Variants in LTN1 observed in about 807,000 individuals in gnomAD.
LTN1 encodes E3 ubiquitin-protein ligase listerin.
LTN1 carries 88 observed loss-of-function variants against 201.2 expected under a neutral mutation model. The ratio of observed to expected loss-of-function variants is 0.44; its 90% CI spans 0.37 to 0.52. LTN1 has a LOEUF of 0.52. Ranked by LOEUF, LTN1 falls within the 20% of genes least tolerant of loss-of-function variation. LTN1 has a pLI of 0.00. For missense variants in LTN1, 1,752 were observed against 2,038.7 expected, an observed-to-expected ratio of 0.86 and a Z score of 2.71; for synonymous variants, 645 against 713.5, an observed-to-expected ratio of 0.90 and a Z score of 1.53.
chr21:28,949,755 T>G (rs999292158), intron 18 of LTN1, among the ~76,000 whole-genome samples: 1 of 152,208 alleles, frequency 6.6e-6, no homozygotes, highest in Non-Finnish European at 1.5e-5. Flanking sequence ...GATGGGCACT[T>G]AGGTTGCAAG....
At chr21:28,946,335 C>A in intron 19 of LTN1, 48 bp from the exon 20 acceptor site, 1 of 1,284,938 alleles carries the variant, frequency 7.8e-7, no homozygotes, top group Admixed American at 2.7e-5. Flanking sequence ...AGAACTATAT[C>A]GCTACTATTA....
intron 25 of LTN1, among the ~76,000 whole-genome samples, chr21:28,939,885 G>A (rs181804730): frequency 3.5e-4 from 54 of 152,144 alleles, no homozygotes; most frequent in Non-Finnish European, 7.4e-4. Context: ...TAAGTGACAG[G>A]CCTAAAGAGA....
chr21:28,954,802 G>C (rs1440089449), intron 16 of LTN1, among the ~76,000 whole-genome samples: 1 of 152,138 alleles, frequency 6.6e-6, no homozygotes, highest in Non-Finnish European at 1.5e-5. Flanking sequence ...ATGGATTAGA[G>C]ACTTAAACCT....
chr21:28,961,845 T>C (rs2084481815), intron 11 of LTN1, among the ~76,000 whole-genome samples: 3 of 152,170 alleles, frequency 2.0e-5, no homozygotes, highest in African/African-American at 7.2e-5. Flanking sequence ...ACCTTGTCTC[T>C]ACTAAAAATT....
chr21:28,948,182 A>C (rs1601174914), intron 18 of LTN1, among the ~76,000 whole-genome samples: 2 of 68,034 alleles, frequency 2.9e-5, no homozygotes, highest in African/African-American at 1.3e-4. Context: ...ATAAAGCAAA[A>C]CTCTGTTTCA....
rs2084333731 is a variant in LTN1 at position 28,945,937 on chromosome 21, G to C, written c.3638C>G (p.Ala1213Gly). Residue 1213 changes from alanine (A) to glycine (G), a missense_variant, in exon 21 of 30, where the codon GCA (alanine) becomes GGA (glycine). Ala to Gly is a moderately conservative substitution (Grantham distance 60). Transcript: ENST00000361371. ...IFLFSCNLSE[A>G]SPEVLGVNIE... ...ATTTACACCCAGTACCTCTGGACTT[G>C]CTTCTGATAGATTACTGTGATAAAG... The C allele has an allele frequency of 6.2e-7, 1 of 1,609,158 alleles. No individual in the cohort carries two copies. The highest frequency in any genetic ancestry group is 2.2e-5 in the East Asian group (1 of 44,810).
chr21:28,936,560 T>C lies in LTN1; in HGVS notation c.4620A>G (p.Thr1540=), dbSNP rs1373922482. Residue 1540 remains threonine (T), a synonymous_variant, in exon 26 of 30, where the codon ACA becomes ACG. Transcript: ENST00000361371. Reference sequence around the variant, plus strand: ...TCAGCTGGAGCTCCTCAGTAAAGAATGTTTTAGGGTCCTTATTTGGGACCT... The same window carrying C: ...TCAGCTGGAGCTCCTCAGTAAAGAACGTTTTAGGGTCCTTATTTGGGACCT... ...AVEVPNKDPK[T]FFTEELQLSI... 1 of 1,613,686 alleles carries C rather than the reference T, an allele frequency of 6.2e-7. No individual in the cohort carries two copies. The highest frequency in any genetic ancestry group is 1.3e-5 in the African/African-American group (1 of 74,938).
chr21:28,981,729 C>T (rs572366924), intron 5 of LTN1, among the ~76,000 whole-genome samples: 14 of 152,166 alleles, frequency 9.2e-5, no homozygotes, highest in Non-Finnish European at 1.2e-4. Context: ...TAAAATACTT[C>T]CTCCTACAAC....
At chr21:28,960,396 A>T (rs1022373864) in intron 12 of LTN1, 121 bp downstream of exon 12, 21 of 697,638 alleles carry the variant, frequency 3.0e-5, no homozygotes, top group African/African-American at 1.1e-4. Flanking sequence ...AAAAAAAAAA[A>T]TTTGAATGAG....
intron 24 of LTN1, among the ~76,000 whole-genome samples, chr21:28,941,822 C>T (rs190922933): frequency 6.6e-6 from 1 of 152,256 alleles, no homozygotes; most frequent in African/African-American, 2.4e-5. Context: ...TATTTTATTG[C>T]ATATTATCTA....
intron 4 of LTN1, among the ~76,000 whole-genome samples, chr21:28,983,640 GA>G (rs995591171): frequency 6.6e-6 from 1 of 152,084 alleles, no homozygotes; most frequent in Non-Finnish European, 1.5e-5. Context: ...CAAGAAATTT[GA>G]ACTTAAAAGT....
chr21:28,959,344 G>A, intron 13 of LTN1, 114 bp downstream of exon 13: 1 of 1,290,308 alleles, frequency 7.8e-7, no homozygotes, highest in Non-Finnish European at 1.1e-6. Context: ...TACTCAAAAT[G>A]CTTTAAACTT....
At chr21:28,991,037 T>C (rs564817777) in intron 1 of LTN1, among the ~76,000 whole-genome samples, 48 of 151,636 alleles carry the variant, frequency 3.2e-4, no homozygotes, top group African/African-American at 1.1e-3. Context: ...CTGGAAAGGC[T>C]AAGCTGGGAG....
Position 28,953,334 on chromosome 21 carries a change from T to A in LTN1, c.3122A>T (p.Asp1041Val), listed in dbSNP as rs369576290. Residue 1041 changes from aspartate to valine, a missense_variant, in exon 17 of 30, where the codon GAT becomes GTT. This residue lies in a region of LTN1 where 1,211 missense variants were observed against 1,312.8 expected (regional missense o/e 0.92). Transcript: ENST00000361371. ...TCCAATTAGAAAAATAGGTGGGTTATCTAATTCTTCACACCACTGCAGTGA... is the reference window on the plus strand; with the variant it reads ...TCCAATTAGAAAAATAGGTGGGTTAACTAATTCTTCACACCACTGCAGTGA... ...LYSLQWCEEL[D>V]NPPIFLIGFC... is the part of the protein sequence containing the mutation. 4 of 1,606,278 alleles carry A rather than the reference T, an allele frequency of 2.5e-6. No homozygotes were observed. The highest frequency in any genetic ancestry group is 3.4e-6 in the Non-Finnish European group (4 of 1,178,154).
chr21:28,946,070 C>A lies in LTN1; in HGVS notation c.3623+82G>T. On this transcript the variant is annotated intron_variant, in intron 20 of 29. Transcript: ENST00000361371. ...CTGACTTAAATGTCTACCATAATTT[C>A]TCTACAAAATTGTGACACAGATACG... 5 of 1,455,588 alleles carry A rather than the reference C, an allele frequency of 3.4e-6. No homozygotes were observed. The South Asian group carries it at 3.8e-5, about 11-fold the overall frequency. 90.2% of individuals were successfully genotyped at this position (1,455,588 alleles called of 1,614,324 possible).
intron 25 of LTN1, among the ~76,000 whole-genome samples, chr21:28,940,218 C>T (rs754636396): frequency 4.6e-5 from 7 of 152,166 alleles, no homozygotes; most frequent in African/African-American, 7.2e-5. Context: ...CTGGCTCTGT[C>T]GCCCAGGCTT....
rs2084202399 is a variant in LTN1 at position 28,930,498 on chromosome 21, T to C, written c.5251A>G (p.Thr1751Ala). 6.2e-7 allele frequency: 1 copy of C among 1,612,316 alleles called. No individual in the cohort carries two copies. The highest frequency in any genetic ancestry group is 8.5e-7 in the Non-Finnish European group (1 of 1,178,832). ...FHSACLYKWF[T>A]SSNKSTCPLC... is the part of the protein sequence containing the mutation. ...GGACAAGTGGATTTGTTGCTAGATG[T>C]AAACCATTTGTACTGAAAAAGAAAA... Residue 1751 changes from threonine to alanine, a missense_variant, in exon 30 of 30, where the codon ACA becomes GCA. Physicochemically the swap from Thr to Ala is moderately conservative, Grantham distance 58. Transcript: ENST00000361371.
At position 28,946,177 on chromosome 21, in the gene LTN1, G is replaced by T; in HGVS notation, c.3598C>A (p.His1200Asn). 6.3e-7 allele frequency: 1 copy of T among 1,582,004 alleles called. No individual in the cohort carries two copies. Among genetic ancestry groups the T allele is most frequent in the Non-Finnish European group, 8.6e-7 (1 of 1,165,142 alleles). The change falls in exon 20 of 30, where the codon CAT becomes AAT. Residue 1200 changes from histidine (H) to asparagine (N), a missense_variant. His to Asn is a moderately conservative substitution (Grantham distance 68). Transcript: ENST00000361371. ...CAACTGAAAAGAAAAATATCTTCATGCTCTTTCTTCCAGGATATTATGATT... is the reference window on the plus strand; with the variant it reads ...CAACTGAAAAGAAAAATATCTTCATTCTCTTTCTTCCAGGATATTATGATT... ...LKIIISWKKE[H>N]EDIFLFSCNL...
intron 4 of LTN1, 62 bp from the exon 5 acceptor site, chr21:28,982,430 G>A (rs2084666410): frequency 1.7e-6 from 2 of 1,210,994 alleles, no homozygotes; most frequent in African/African-American, 1.5e-5. Flanking sequence ...TGAACAGACA[G>A]AGCCTAGTTA....
Sources: allele counts gnomAD v4.1 joint callset (sites outside exome capture counted in the v4.1 genomes callset), GRCh38; gene constraint gnomAD v4.1.1; regional missense constraint gnomAD v4.1.1; transcripts MANE v1.5; gene names NCBI Gene and HGNC (gene_info 2026-07-23, HGNC 2026-07-21).